Variants in KIDINS220 observed in about 807,000 individuals in gnomAD.
The protein encoded by KIDINS220 is kinase D-interacting substrate of 220 kDa.
A neutral mutation model predicts 157.6 loss-of-function variants in KIDINS220; 63 were observed. The ratio of observed to expected loss-of-function variants is 0.40; its 90% CI spans 0.33 to 0.49. The LOEUF is 0.49. Among genes scored for constraint, KIDINS220 ranks in the 20% least tolerant of loss-of-function variants. The pLI, the probability that KIDINS220 is intolerant of heterozygous loss-of-function variation, is 0.66. For missense variants in KIDINS220, 1,772 were observed against 2,171.2 expected (o/e 0.82, Z 3.65); for synonymous variants, 732 against 783.6 (o/e 0.93, Z 1.10).
intron 2 of KIDINS220, among the ~76,000 whole-genome samples, chr2:8,822,362 G>A (rs1291981598): frequency 1.3e-5 from 2 of 152,156 alleles, no homozygotes; most frequent in Non-Finnish European, 2.9e-5. Context: ...TGACTCTCAT[G>A]CCTGTAATCC....
At chr2:8,833,698 C>A (rs1454234005) in intron 1 of KIDINS220, among the ~76,000 whole-genome samples, 1 of 152,168 alleles carries the variant, frequency 6.6e-6, no homozygotes, top group Non-Finnish European at 1.5e-5. Flanking sequence ...ACAGCACTTT[C>A]TCTCTAATGG....
intron 26 of KIDINS220, among the ~76,000 whole-genome samples, chr2:8,740,493 T>A (rs180965894): frequency 1.6e-4 from 24 of 152,316 alleles, no homozygotes; most frequent in Non-Finnish European, 1.0e-4. Flanking sequence ...ATGAGGTACA[T>A]CAGATTGGCT....
chr2:8,834,334 C>G (rs976888746), intron 1 of KIDINS220, among the ~76,000 whole-genome samples: 1 of 151,910 alleles, frequency 6.6e-6, no homozygotes, highest in Non-Finnish European at 1.5e-5. Context: ...CCTCCCTAAG[C>G]TCAACTCTTG....
chr2:8,759,566 T>C (rs1222249096), intron 22 of KIDINS220, among the ~76,000 whole-genome samples: 2 of 148,626 alleles, frequency 1.3e-5, no homozygotes, highest in African/African-American at 5.0e-5. Context: ...AAGGCTGCAA[T>C]TCTGGCAACT....
Position 8,731,374 on chromosome 2 carries a change from C to T in KIDINS220, c.4662G>A (p.Lys1554=), listed in dbSNP as rs1435906325. Residue 1554 remains lysine, a synonymous_variant, in exon 30 of 30, where the codon AAG becomes AAA. Transcript: ENST00000256707. The surrounding 1 kb of genome is among the most constrained non-coding windows in gnomAD (Gnocchi z 5.2). ...TCGGCTCAGCACTGTGTTCTGGAGA[C>T]TTCGGCACTCTCTCTACTTTCCCTT... ...KAEGKVERVP[K]SPEHSAEPIR... 2 of 1,614,208 alleles carry T rather than the reference C, an allele frequency of 1.2e-6. No homozygotes were observed. The highest frequency in any genetic ancestry group is 1.7e-6 in the Non-Finnish European group (2 of 1,180,042).
intron 7 of KIDINS220, among the ~76,000 whole-genome samples, chr2:8,804,418 C>T (rs899238981): frequency 2.2e-4 from 33 of 152,140 alleles, no homozygotes; most frequent in Admixed American, 2.2e-3. Flanking sequence ...TTCTTATAGG[C>T]TCAAGGGAAA....
intron 21 of KIDINS220, among the ~76,000 whole-genome samples, chr2:8,771,571 A>C (rs567227543): frequency 2.6e-5 from 4 of 152,200 alleles, no homozygotes; most frequent in Non-Finnish European, 5.9e-5. Context: ...TTAAATTTTC[A>C]AACATTGTCA....
chr2:8,758,042 T>C (rs1183957075), intron 22 of KIDINS220, among the ~76,000 whole-genome samples: 1 of 152,140 alleles, frequency 6.6e-6, no homozygotes, highest in Non-Finnish European at 1.5e-5. Flanking sequence ...TTTGTATTTT[T>C]AGTAGAGACG....
chr2:8,737,443 T>C (rs1243875803), intron 26 of KIDINS220, among the ~76,000 whole-genome samples: 1 of 152,222 alleles, frequency 6.6e-6, no homozygotes, highest in Non-Finnish European at 1.5e-5. Context: ...TACTAGACAA[T>C]TAAGCAACTT....
chr2:8,738,226 T>C (rs1665157568), intron 26 of KIDINS220, among the ~76,000 whole-genome samples: 1 of 152,222 alleles, frequency 6.6e-6, no homozygotes, highest in Non-Finnish European at 1.5e-5. Context: ...AGAGACAGCT[T>C]TTCTTTACAG....
At chr2:8,789,436 C>T (rs1672880111) in intron 14 of KIDINS220, among the ~76,000 whole-genome samples, 1 of 151,770 alleles carries the variant, frequency 6.6e-6, no homozygotes, top group African/African-American at 2.4e-5. Context: ...TACAGGCGCC[C>T]GCCATCTTGC....
chr2:8,769,257 A>T (rs2148151878), intron 22 of KIDINS220, among the ~76,000 whole-genome samples: 1 of 152,328 alleles, frequency 6.6e-6, no homozygotes, highest in Non-Finnish European at 1.5e-5. Context: ...GCAAGGACCC[A>T]TGTGAGATAA....
At chr2:8,781,953 A>T (rs780153619) in intron 17 of KIDINS220, among the ~76,000 whole-genome samples, 4 of 151,924 alleles carry the variant, frequency 2.6e-5, no homozygotes, top group Non-Finnish European at 5.9e-5. Flanking sequence ...GAAACCCTAT[A>T]TCTACAAAAA....
At chr2:8,790,924 C>T in intron 13 of KIDINS220, 136 bp downstream of exon 13, 1 of 647,530 alleles carries the variant, frequency 1.5e-6, no homozygotes, top group Non-Finnish European at 2.5e-6. Flanking sequence ...GAAGGACCAA[C>T]CAGAGGGGAG....
intron 1 of KIDINS220, among the ~76,000 whole-genome samples, chr2:8,834,793 A>G (rs1680167097): frequency 6.6e-6 from 1 of 152,144 alleles, no homozygotes; most frequent in African/African-American, 2.4e-5. Context: ...CTCGCGGGTC[A>G]CCTATAAACT....
At chr2:8,726,460 C>T (rs1053135745), downstream of KIDINS220, among the ~76,000 whole-genome samples, 3 of 152,198 alleles carry the variant, frequency 2.0e-5, no homozygotes, top group African/African-American at 7.2e-5. Context: ...TACTTAACTC[C>T]GTTTGTTAAA....
chr2:8,817,724 A>G lies in KIDINS220; in HGVS notation c.208-8T>C. On this transcript the variant is annotated splice_polypyrimidine_tract_variant and splice_region_variant and intron_variant, in intron 3 of 29. Coordinates refer to ENST00000256707, the MANE Select transcript of KIDINS220 (RefSeq NM_020738.4). ...AAGTGCTGTCCAATTATCCTTGAAC[A>G]TATATTTTAAAAGTTATCATTTTCA... is the stretch of plus-strand genomic sequence containing the variant. The G allele has an allele frequency of 6.4e-7, 1 of 1,567,592 alleles. No homozygotes were observed. Among genetic ancestry groups the G allele is most frequent in the East Asian group, 2.3e-5 (1 of 44,242 alleles).
chr2:8,722,326 G>A (rs1327307557), downstream of KIDINS220: 1 of 152,272 alleles, frequency 6.6e-6, no homozygotes, highest in Non-Finnish European at 1.5e-5. Flanking sequence ...CTGCAGAAGA[G>A]TGTGTTTAAG....
At chr2:8,823,322 A>G (rs532975762) in intron 2 of KIDINS220, among the ~76,000 whole-genome samples, 3 of 152,264 alleles carry the variant, frequency 2.0e-5, no homozygotes, top group South Asian at 4.2e-4. Context: ...ACACATTAAC[A>G]TGAAGTTACA....
Sources: gnomAD v4.1 joint callset for allele counts (sites outside exome capture counted in the v4.1 genomes callset) on GRCh38, gnomAD v4.1.1 for gene constraint, Gnocchi (gnomAD v3.1) non-coding constraint, MANE v1.5 for transcripts, NCBI Gene and HGNC (gene_info 2026-07-23, HGNC 2026-07-21) for gene names.